The following MBD1 variants were observed in gnomAD, a reference collection of about 807,000 sequenced individuals.
MBD1 encodes methyl-CpG binding domain protein 1, also known as methyl-CpG-binding domain protein 1.
MBD1 carries 25 observed loss-of-function variants against 82.6 expected under a neutral mutation model. That is an observed-to-expected ratio of 0.30 (90% CI 0.22 to 0.42). The LOEUF is 0.42. Ranked by LOEUF, MBD1 falls within the 10% of genes least tolerant of loss-of-function variation. The pLI is 1.00. For synonymous variants in MBD1, 301 were observed against 303.7 expected, an observed-to-expected ratio of 0.99 and a Z score of 0.09; for missense variants, 627 against 819.6, an observed-to-expected ratio of 0.76 and a Z score of 2.87.
Position 50,275,250 on chromosome 18 carries a change from G to C in MBD1, c.793-5C>G, listed in dbSNP as rs372304601. 67 of 1,613,904 alleles carry C rather than the reference G, an allele frequency of 4.2e-5. No homozygotes were observed. Among genetic ancestry groups the C allele is most frequent in the Non-Finnish European group, 5.5e-5 (65 of 1,179,806 alleles). On this transcript the variant is annotated splice_polypyrimidine_tract_variant and splice_region_variant and intron_variant, in intron 8 of 16. Transcript: ENST00000269468. ...CTTGCGGCGGGCATGTTTACCCTGG[G>C]AAAGATCAGAAAGGGTGGTTTCAGC...
intron 13 of MBD1, 162 bp from the exon 14 acceptor site, chr18:50,273,117 C>A: frequency 8.3e-7 from 1 of 1,207,838 alleles, no homozygotes; most frequent in Non-Finnish European, 1.2e-6. Flanking sequence ...TCCCATTCCT[C>A]ACTGACCTCC....
At chr18:50,272,996 G>A in intron 13 of MBD1, 41 bp from the exon 14 acceptor site, 3 of 1,613,244 alleles carry the variant, frequency 1.9e-6, no homozygotes, top group Non-Finnish European at 2.5e-6. Context: ...GAAGGGCAGA[G>A]TTCACCTGAG....
At position 50,274,841 on chromosome 18, in the gene MBD1, T is replaced by G. The variant is rs148283506; in HGVS notation, c.978+136A>C. The G allele has an allele frequency of 2.1e-4, 188 of 877,540 alleles. 1 individual carries two copies. The highest frequency in any genetic ancestry group is 3.3e-4 in the Non-Finnish European group (176 of 533,332). The allele number at this position is 877,540 out of a possible 1,614,324, so 54.4% of individuals were successfully genotyped here. On this transcript the variant is annotated intron_variant, in intron 10 of 16. Coordinates refer to ENST00000269468, the MANE Select transcript of MBD1 (RefSeq NM_015846.4). ...TGCTGACCCCGTATTAGTCCTCCAT[T>G]ATCTACTCATCCCATCCTAGGACCC...
At chr18:50,281,003 C>T (rs1245854597) in intron 1 of MBD1, among the ~76,000 whole-genome samples, 1 of 152,120 alleles carries the variant, frequency 6.6e-6, no homozygotes, top group Non-Finnish European at 1.5e-5. Flanking sequence ...ATTCCAAAGC[C>T]TCTATTTCTC....
rs1244453274 is a variant in MBD1 at position 50,269,708 on chromosome 18, T to A, written c.*143A>T. ...AGCTGGAGGTGGTGAGAGACTGACA[T>A]GGGTTCCAGGCCATCCTCGTGGGTT... is the stretch of plus-strand genomic sequence containing the variant. On this transcript the variant is annotated 3_prime_UTR_variant, in exon 17 of 17. Coordinates refer to ENST00000269468, the MANE Select transcript of MBD1 (RefSeq NM_015846.4). The A allele has an allele frequency of 1.3e-6, 1 of 780,670 alleles. No individual in the cohort carries two copies. 48.4% of individuals were successfully genotyped at this position (780,670 alleles called of 1,614,324 possible).
At chr18:50,279,155 T>A (rs1016435367) in intron 2 of MBD1, among the ~76,000 whole-genome samples, 2 of 152,230 alleles carry the variant, frequency 1.3e-5, no homozygotes, top group Non-Finnish European at 2.9e-5. Flanking sequence ...ACCTTAATAT[T>A]TTCCTAACCC....
Position 50,272,819 on chromosome 18 carries a change from C to T in MBD1, c.1716+5G>A. Reference sequence around the variant, plus strand: ...AGGGCAGGGTGGGGCATCCCCAGCACTGACCACGGGTGTGCCAGCCCCTCC... The same window carrying T: ...AGGGCAGGGTGGGGCATCCCCAGCATTGACCACGGGTGTGCCAGCCCCTCC... On this transcript the variant is annotated splice_donor_5th_base_variant and intron_variant, in intron 14 of 16. Coordinates refer to ENST00000269468, the MANE Select transcript of MBD1 (RefSeq NM_015846.4). 2 of 1,614,142 alleles carry T rather than the reference C, an allele frequency of 1.2e-6. No homozygotes were observed. The highest frequency in any genetic ancestry group is 1.7e-6 in the Non-Finnish European group (2 of 1,180,002).
At chr18:50,280,675 T>G (rs1399350469) in intron 1 of MBD1, among the ~76,000 whole-genome samples, 1 of 151,854 alleles carries the variant, frequency 6.6e-6, no homozygotes, top group Non-Finnish European at 1.5e-5. Context: ...AAGCCTCCCA[T>G]GCCTCCCCTT....
chr18:50,274,891 A>G (rs1161461858), intron 10 of MBD1, 86 bp downstream of exon 10: 3 of 1,390,572 alleles, frequency 2.2e-6, no homozygotes, highest in Non-Finnish European at 3.0e-6. Flanking sequence ...CTGTTCCCCA[A>G]TAGGCTCATT....
chr18:50,277,594 A>G (rs1372908323), intron 2 of MBD1, among the ~76,000 whole-genome samples: 1 of 152,008 alleles, frequency 6.6e-6, no homozygotes, highest in Non-Finnish European at 1.5e-5. Context: ...GAAAACACAA[A>G]TATGTTTTAA....
intron 16 of MBD1, chr18:50,270,802 C>G (rs2035193924): frequency 5.8e-6 from 1 of 172,890 alleles, no homozygotes; most frequent in Non-Finnish European, 1.3e-5. Flanking sequence ...TCTGTGTTTT[C>G]AAGGTCACCG....
intron 1 of MBD1, chr18:50,281,158 TCCTA>T (rs1219415796): frequency 6.5e-6 from 10 of 1,533,240 alleles, no homozygotes; most frequent in Non-Finnish European, 8.7e-6. Flanking sequence ...ATCCCGACAC[TCCTA>T]CCTGTCAGAG....
chr18:50,272,557 T>C (rs2146100157), intron 15 of MBD1, 120 bp downstream of exon 15: 2 of 1,048,698 alleles, frequency 1.9e-6, no homozygotes, highest in East Asian at 2.4e-5. Flanking sequence ...ACCAGCATAG[T>C]GGGTATGGGC....
chr18:50,274,505 T>G, intron 10 of MBD1, 152 bp from the exon 11 acceptor site: 2 of 805,874 alleles, frequency 2.5e-6, no homozygotes, highest in Middle Eastern at 5.7e-4. Flanking sequence ...CACTAGTCAC[T>G]CCTCAGCATT....
In MBD1 at chr18:50,272,947, G is replaced by T; in HGVS notation, c.1593C>A (p.Asp531Glu). The T allele has an allele frequency of 6.2e-7, 1 of 1,614,146 alleles. No individual in the cohort carries two copies. The highest frequency in any genetic ancestry group is 8.5e-7 in the Non-Finnish European group (1 of 1,180,040). The change falls in exon 14 of 17, where the codon GAC becomes GAA. Residue 531 changes from aspartate to glutamate, a missense_variant. Asp to Glu is a conservative substitution (Grantham distance 45). Transcript: ENST00000269468. ...LVPGCPSKAV[D>E]PGLPSVKQEP... ...CTTGCTTCACAGAAGGCAGGCCTGGGTCTACTGCCTGGGAGAAGTAGGAAA... is the reference window on the plus strand; with the variant it reads ...CTTGCTTCACAGAAGGCAGGCCTGGTTCTACTGCCTGGGAGAAGTAGGAAA...
chr18:50,269,650 C>G lies in MBD1; in HGVS notation c.*201G>C, dbSNP rs760591712. ...ATATTTAACTCTGTGAGGAAGGGCA[C>G]CAGCTTCTTCTGCAGGACACCCACA... On this transcript the variant is annotated 3_prime_UTR_variant, in exon 17 of 17. Transcript: ENST00000269468. The G allele has an allele frequency of 1.3e-6, 1 of 749,510 alleles. No homozygotes were observed. Among genetic ancestry groups the G allele is most frequent in the Non-Finnish European group, 2.5e-6 (1 of 400,530 alleles). The allele number at this position is 749,510 out of a possible 1,614,324, so 46.4% of individuals were successfully genotyped here.
intron 2 of MBD1, among the ~76,000 whole-genome samples, chr18:50,277,629 A>C (rs1197987556): frequency 6.6e-6 from 1 of 152,116 alleles, no homozygotes; most frequent in African/African-American, 2.4e-5. Flanking sequence ...ATGCAACTAC[A>C]TACAAATTAA....
intron 2 of MBD1, among the ~76,000 whole-genome samples, chr18:50,277,603 A>G (rs2038508179): frequency 6.6e-6 from 1 of 151,988 alleles, no homozygotes; most frequent in East Asian, 1.9e-4. Context: ...AATATGTTTT[A>G]AAAACATATA....
Position 50,268,979 on chromosome 18 carries a change from T to C in MBD1, c.*872A>G, listed in dbSNP as rs2034394580. Reference sequence around the variant, plus strand: ...GCTGTCCTCCCAACAATTTTCTGAATTCTATATATTCAGCATTAAATTCCA... The same window carrying C: ...GCTGTCCTCCCAACAATTTTCTGAACTCTATATATTCAGCATTAAATTCCA... On this transcript the variant is annotated 3_prime_UTR_variant, in exon 17 of 17. Coordinates refer to ENST00000269468, the MANE Select transcript of MBD1 (RefSeq NM_015846.4). 1.0e-6 allele frequency: 1 copy of C among 984,790 alleles called. No homozygotes were observed. The highest frequency in any genetic ancestry group is 1.2e-6 in the Non-Finnish European group (1 of 829,310). The allele number at this position is 984,790 out of a possible 1,614,324, so 61.0% of individuals were successfully genotyped here.
Sources: allele counts gnomAD v4.1 joint callset (sites outside exome capture counted in the v4.1 genomes callset), GRCh38; gene constraint gnomAD v4.1.1; transcripts MANE v1.5; gene names NCBI Gene and HGNC (gene_info 2026-07-23, HGNC 2026-07-21).